The following CENPW variants were observed in gnomAD, a reference collection of about 807,000 sequenced individuals.
CENPW encodes the protein centromere protein W.
A neutral mutation model predicts 11.1 loss-of-function variants in CENPW; 3 were observed. The ratio of observed to expected loss-of-function variants is 0.27; its 90% confidence interval spans 0.12 to 0.70. CENPW has a LOEUF of 0.70. Ranked by LOEUF, CENPW falls within the 30% of genes least tolerant of loss-of-function variation. The pLI, the probability that CENPW is intolerant of heterozygous loss-of-function variation, is 0.77. For synonymous variants in CENPW, 38 were observed against 42.0 expected (o/e 0.91, Z 0.37); for missense variants, 100 against 105.6 (o/e 0.95, Z 0.23).
At chr6:126,356,188 T>C in the CENPW span, among the ~76,000 whole-genome samples, 1 of 152,172 alleles carries the variant, frequency 6.6e-6, no homozygotes, top group Non-Finnish European at 1.5e-5. Context: ...CTGACATGGA[T>C]AATATCCTAC....
the CENPW span, among the ~76,000 whole-genome samples, chr6:126,427,552 A>T: frequency 6.6e-6 from 1 of 152,208 alleles, no homozygotes; most frequent in Non-Finnish European, 1.5e-5. Flanking sequence ...AACCCTCCTT[A>T]CACTACCTCA....
the CENPW span, among the ~76,000 whole-genome samples, chr6:126,456,880 G>T: frequency 1.3e-5 from 2 of 151,556 alleles, no homozygotes; most frequent in African/African-American, 4.8e-5. Context: ...TTAAATATGG[G>T]CAAAGGACAT....
the CENPW span, among the ~76,000 whole-genome samples, chr6:126,406,691 A>G: frequency 7.2e-5 from 11 of 152,170 alleles, no homozygotes; most frequent in African/African-American, 2.2e-4. Flanking sequence ...GTCTCTACTA[A>G]AAATACAAAA....
At chr6:126,380,754 G>A in the CENPW span, among the ~76,000 whole-genome samples, 1 of 152,134 alleles carries the variant, frequency 6.6e-6, no homozygotes, top group African/African-American at 2.4e-5. Flanking sequence ...CCACAGACAT[G>A]ATACCTGCAT....
At chr6:126,397,018 G>A in the CENPW span, among the ~76,000 whole-genome samples, 9 of 151,948 alleles carry the variant, frequency 5.9e-5, no homozygotes, top group African/African-American at 1.9e-4. Flanking sequence ...ACTACATGGG[G>A]TTGGGGTATG....
chr6:126,468,355 G>A, the CENPW span, among the ~76,000 whole-genome samples: 1 of 139,684 alleles, frequency 7.2e-6, no homozygotes, highest in Non-Finnish European at 1.5e-5. Context: ...AAGAGGCAGA[G>A]GTTGCAATGA....
the CENPW span, among the ~76,000 whole-genome samples, chr6:126,450,437 T>G: frequency 2.0e-5 from 3 of 151,032 alleles, no homozygotes; most frequent in Non-Finnish European, 1.5e-5. Context: ...CTGAAGACAT[T>G]AAGTGATATA....
chr6:126,471,298 ACT>A, the CENPW span, among the ~76,000 whole-genome samples: 6 of 149,810 alleles, frequency 4.0e-5, no homozygotes, highest in South Asian at 8.5e-4. Flanking sequence ...CCCTGCATGC[ACT>A]CTCTCTCTCT....
At chr6:126,413,907 A>G in the CENPW span, among the ~76,000 whole-genome samples, 5 of 152,080 alleles carry the variant, frequency 3.3e-5, no homozygotes, top group Middle Eastern at 3.4e-3. Flanking sequence ...ACCCAACTAT[A>G]TGCTACTTGT....
chr6:126,401,416 G>A, the CENPW span, among the ~76,000 whole-genome samples: 1 of 151,974 alleles, frequency 6.6e-6, no homozygotes, highest in Non-Finnish European at 1.5e-5. Context: ...TGAAGTGGGT[G>A]TGGTTGGTGG....
chr6:126,463,614 A>C, the CENPW span, among the ~76,000 whole-genome samples: 1 of 152,022 alleles, frequency 6.6e-6, no homozygotes, highest in Admixed American at 6.6e-5. Flanking sequence ...TATCACGAAA[A>C]AGAGAGATTA....
the CENPW span, among the ~76,000 whole-genome samples, chr6:126,386,008 A>G: frequency 1.3e-5 from 2 of 152,162 alleles, no homozygotes; most frequent in South Asian, 4.1e-4. Context: ...CCTAAAATTC[A>G]TAAACCAAGA....
the CENPW span, among the ~76,000 whole-genome samples, chr6:126,404,479 C>T: frequency 6.6e-6 from 1 of 152,056 alleles, no homozygotes; most frequent in Non-Finnish European, 1.5e-5. Context: ...CACGGGAGTG[C>T]AGATATCTCT....
At chr6:126,374,645 G>C in the CENPW span, among the ~76,000 whole-genome samples, 6 of 152,166 alleles carry the variant, frequency 3.9e-5, no homozygotes, top group African/African-American at 1.4e-4. Flanking sequence ...CTGTGAACAC[G>C]TAAGTCTTGA....
chr6:126,462,410 T>C, the CENPW span, among the ~76,000 whole-genome samples: 1 of 151,774 alleles, frequency 6.6e-6, no homozygotes, highest in Non-Finnish European at 1.5e-5. Context: ...TTTAAGAACA[T>C]TTTTCAGTTT....
At chr6:126,351,338 G>T (rs554282129), downstream of CENPW, among the ~76,000 whole-genome samples, 1 of 152,122 alleles carries the variant, frequency 6.6e-6, no homozygotes, top group East Asian at 1.9e-4. Flanking sequence ...GAATTTTGCT[G>T]TTTTGGTAAA....
the CENPW span, among the ~76,000 whole-genome samples, chr6:126,409,808 G>A: frequency 6.6e-6 from 1 of 151,668 alleles, no homozygotes; most frequent in African/African-American, 2.4e-5. Flanking sequence ...ATCTTTACCA[G>A]TGAAGTGAAT....
At chr6:126,385,934 A>C in the CENPW span, among the ~76,000 whole-genome samples, 3 of 152,098 alleles carry the variant, frequency 2.0e-5, no homozygotes, top group Non-Finnish European at 4.4e-5. Context: ...GAAAAGAAGG[A>C]GGAGAAGAGA....
At chr6:126,411,828 T>A in the CENPW span, among the ~76,000 whole-genome samples, 1 of 152,084 alleles carries the variant, frequency 6.6e-6, no homozygotes, top group Non-Finnish European at 1.5e-5. Context: ...TTCTTAGGTT[T>A]TTGTTTATCT....
Sources: gnomAD v4.1 joint callset for allele counts (sites outside exome capture counted in the v4.1 genomes callset) on GRCh38, gnomAD v4.1.1 for gene constraint, MANE v1.5 for transcripts, NCBI Gene and HGNC (gene_info 2026-07-23, HGNC 2026-07-21) for gene names.